The following AUTS2 variants were observed in gnomAD, a reference collection of about 807,000 sequenced individuals.
AUTS2 encodes the protein autism susceptibility gene 2 protein.
In AUTS2, 17 loss-of-function variants were observed where a neutral mutation model predicts 112.4. That is an observed-to-expected ratio of 0.15 (90% CI 0.10 to 0.23). AUTS2 has a LOEUF of 0.23. AUTS2 is among the 10% of genes least tolerant of loss of function. The probability of loss-of-function intolerance (pLI) is 1.00; values close to 1 mark genes in which losing one functional copy is unlikely to be tolerated. For synonymous variants in AUTS2, 751 were observed against 702.7 expected (o/e 1.07, Z -1.09); for missense variants, 1,510 against 1,701.6 (o/e 0.89, Z 1.98).
chr7:69,667,926 C>T (rs570332779), intron 1 of AUTS2, among the ~76,000 whole-genome samples: 1 of 152,316 alleles, frequency 6.6e-6, no homozygotes, highest in South Asian at 2.1e-4. Context: ...AATCACTATA[C>T]CTATCTTACT....
chr7:70,328,190 A>G (rs1790578437), intron 4 of AUTS2, among the ~76,000 whole-genome samples: 1 of 152,062 alleles, frequency 6.6e-6, no homozygotes, highest in African/African-American at 2.4e-5. Context: ...AGCTTGGGAA[A>G]CTAAAATACA....
At chr7:69,906,765 A>G (rs748834440) in intron 2 of AUTS2, among the ~76,000 whole-genome samples, 17 of 152,154 alleles carry the variant, frequency 1.1e-4, no homozygotes, top group Non-Finnish European at 2.5e-4. Flanking sequence ...TCAGTTATGT[A>G]TATACATAGG....
intron 1 of AUTS2, among the ~76,000 whole-genome samples, chr7:69,840,186 A>G (rs1791911198): frequency 6.6e-6 from 1 of 152,138 alleles, no homozygotes; most frequent in Non-Finnish European, 1.5e-5. Context: ...GTAGGTCTGT[A>G]TTAAAGGAGA....
At chr7:70,003,478 AAT>A (rs1221647969) in intron 2 of AUTS2, among the ~76,000 whole-genome samples, 7 of 76,276 alleles carry the variant, frequency 9.2e-5, no homozygotes, top group Non-Finnish European at 1.4e-4. Context: ...GTTATATATG[AAT>A]ATATATAATA....
chr7:69,845,333 A>G (rs914960159), intron 1 of AUTS2, among the ~76,000 whole-genome samples: 4 of 152,154 alleles, frequency 2.6e-5, no homozygotes, highest in Non-Finnish European at 5.9e-5. Flanking sequence ...CCACTCCGTT[A>G]TCCCTGCCCT....
intron 1 of AUTS2, among the ~76,000 whole-genome samples, chr7:69,810,708 T>C (rs1790510969): frequency 6.6e-6 from 1 of 152,108 alleles, no homozygotes; most frequent in African/African-American, 2.4e-5. Context: ...AAAATGTCAT[T>C]CGTTTTGGGG....
intron 2 of AUTS2, among the ~76,000 whole-genome samples, chr7:70,043,834 C>T (rs1801379113): frequency 6.6e-6 from 1 of 152,004 alleles, no homozygotes; most frequent in Non-Finnish European, 1.5e-5. Context: ...CTCTCGGACT[C>T]CCGATCTCAG....
chr7:69,737,732 CTGT>C (rs1787094767), intron 1 of AUTS2, among the ~76,000 whole-genome samples: 1 of 152,154 alleles, frequency 6.6e-6, no homozygotes, highest in Non-Finnish European at 1.5e-5. Flanking sequence ...CTCATCCATC[CTGT>C]TGTTCTAGGA....
chr7:70,398,934 T>G (rs532336706), intron 4 of AUTS2, among the ~76,000 whole-genome samples: 11 of 152,164 alleles, frequency 7.2e-5, no homozygotes, highest in South Asian at 2.1e-4. Context: ...TTGTGTGTGT[T>G]TTTTGATGCT....
At chr7:70,546,419 A>G (rs1240481557) in intron 5 of AUTS2, among the ~76,000 whole-genome samples, 3 of 147,460 alleles carry the variant, frequency 2.0e-5, no homozygotes, top group South Asian at 2.2e-4. Flanking sequence ...ACTCCAGCCT[A>G]GGCAACAGAG....
At chr7:70,726,082 TTTA>T (rs1192019338) in intron 6 of AUTS2, among the ~76,000 whole-genome samples, 1 of 152,006 alleles carries the variant, frequency 6.6e-6, no homozygotes, top group East Asian at 1.9e-4. Flanking sequence ...CAGTTTGTAT[TTTA>T]TTAGGGGTCA....
rs77980154 is a variant in AUTS2, at chr7:70,382,257, T to G, written c.661-53495T>G. On this transcript the variant is annotated intron_variant, in intron 4 of 18. Coordinates refer to ENST00000342771, the MANE Select transcript of AUTS2 (RefSeq NM_015570.4). Reference sequence around the variant, plus strand: ...ACTCTAAACTCTTCCAAATTGACTTTTTCTTAGATCAGTTCAGAATCTCCA... The same window carrying G: ...ACTCTAAACTCTTCCAAATTGACTTGTTCTTAGATCAGTTCAGAATCTCCA... Among the ~76,000 whole-genome samples the G allele has an allele frequency of 6.4e-3, 978 of 152,268 alleles. 10 individuals are homozygous for G. Among genetic ancestry groups the G allele is most frequent in the African/African-American group, 0.022 (922 of 41,556 alleles).
intron 5 of AUTS2, among the ~76,000 whole-genome samples, chr7:70,635,902 A>G (rs1350521806): frequency 2.6e-5 from 4 of 152,150 alleles, no homozygotes; most frequent in African/African-American, 7.2e-5. Context: ...CTTTCAGCCA[A>G]TTAGTCTGGA....
intron 2 of AUTS2, among the ~76,000 whole-genome samples, chr7:70,054,401 C>T (rs1801899973): frequency 1.3e-5 from 2 of 152,018 alleles, no homozygotes; most frequent in Non-Finnish European, 2.9e-5. Flanking sequence ...TCTCAACCTT[C>T]TGTGATACTA....
At chr7:69,885,949 T>C (rs141650227) in intron 1 of AUTS2, among the ~76,000 whole-genome samples, 2,327 of 152,318 alleles carry the variant, frequency 0.015, 29 homozygotes, top group Middle Eastern at 0.1. Context: ...GAAGAGTACG[T>C]ATACATAAGA....
In AUTS2 at chr7:70,790,714, GCTC is replaced by G. The variant is rs1196002707; in HGVS notation, c.3500_3502del (p.Leu1167del). 6.2e-7 allele frequency: 1 copy of G among 1,613,578 alleles called. No homozygotes were observed. Among genetic ancestry groups the G allele is most frequent in the Non-Finnish European group, 8.5e-7 (1 of 1,179,956 alleles). On this transcript the variant is annotated inframe_deletion, in exon 19 of 19. Coordinates refer to ENST00000342771, the MANE Select transcript of AUTS2 (RefSeq NM_015570.4). The surrounding 1 kb of genome is among the most constrained non-coding windows in gnomAD (Gnocchi z 7.6). ...TCAGAGAAGACTACGAGCACACGCG[GCTC>G]CACTCCGTGCACCCCGCCTCCCTCG... is the stretch of plus-strand genomic sequence containing the variant.
chr7:69,938,414 C>A (rs540861512), intron 2 of AUTS2, among the ~76,000 whole-genome samples: 1 of 152,280 alleles, frequency 6.6e-6, no homozygotes, highest in African/African-American at 2.4e-5. Flanking sequence ...TTTGCTGTTG[C>A]AGGAGGAAAG....
At chr7:69,795,263 A>G (rs933145948) in intron 1 of AUTS2, among the ~76,000 whole-genome samples, 7 of 152,188 alleles carry the variant, frequency 4.6e-5, no homozygotes, top group Non-Finnish European at 1.0e-4. Flanking sequence ...ATTTATAGGA[A>G]CAAAAAAGAT....
At chr7:70,031,348 A>C (rs1460912591) in intron 2 of AUTS2, among the ~76,000 whole-genome samples, 1 of 152,168 alleles carries the variant, frequency 6.6e-6, no homozygotes, top group Non-Finnish European at 1.5e-5. Context: ...AGCTAAAGTG[A>C]AGTTCAGAAT....
Sources: gnomAD v4.1 joint callset for allele counts (sites outside exome capture counted in the v4.1 genomes callset) on GRCh38, gnomAD v4.1.1 for gene constraint, Gnocchi (gnomAD v3.1) non-coding constraint, MANE v1.5 for transcripts, NCBI Gene and HGNC (gene_info 2026-07-23, HGNC 2026-07-21) for gene names.